RPS14: variants seen among roughly 807,000 people sequenced by gnomAD.
The protein encoded by RPS14 is small ribosomal subunit protein uS11.
A neutral mutation model predicts 15.4 loss-of-function variants in RPS14; 1 was observed. That is an observed-to-expected ratio of 0.07 (90% CI 0.02 to 0.31). The LOEUF is 0.31. Among genes scored for constraint, RPS14 ranks in the 10% least tolerant of loss-of-function variants. The pLI, the probability that RPS14 is intolerant of heterozygous loss-of-function variation, is 1.00. For missense variants in RPS14, 69 were observed against 205.5 expected (o/e 0.34, Z 4.06); for synonymous variants, 68 against 74.4 (o/e 0.91, Z 0.44).
chr5:150,445,705 G>A lies in RPS14; in HGVS notation c.312-20C>T. ...TTGGTCCTAGAAAATGAAGGTTTAA[G>A]TTAAGAAGAGCCTTTGGCCAAGTCA... On this transcript the variant is annotated intron_variant, in intron 3 of 4. Coordinates refer to ENST00000407193, the MANE Select transcript of RPS14 (RefSeq NM_005617.4). 6.3e-7 allele frequency: 1 copy of A among 1,590,164 alleles called. No individual in the cohort carries two copies. Among genetic ancestry groups the A allele is most frequent in the African/African-American group, 1.4e-5 (1 of 74,016 alleles).
intron 4 of RPS14, 88 bp downstream of exon 4, chr5:150,445,521 C>G (rs371776607): frequency 7.9e-7 from 1 of 1,260,716 alleles, no homozygotes; most frequent in Admixed American, 1.7e-5. Context: ...ACCAGACCAG[C>G]CGCTGCACAT....
At chr5:150,445,842 C>T (rs1443343024) in intron 3 of RPS14, among the ~76,000 whole-genome samples, 157 bp from the exon 4 acceptor site, 1 of 152,198 alleles carries the variant, frequency 6.6e-6, no homozygotes, top group Non-Finnish European at 1.5e-5. Flanking sequence ...ATAATCTCAG[C>T]ACCTTGGGAG....
At chr5:150,447,102 G>A (rs1350068350) in intron 2 of RPS14, 139 bp from the exon 3 acceptor site, 8 of 963,824 alleles carry the variant, frequency 8.3e-6, no homozygotes, top group Non-Finnish European at 1.2e-5. Flanking sequence ...GTTCAGTCCA[G>A]TGGGGTTGAA....
At chr5:150,449,120 G>A (rs1771194060) in intron 1 of RPS14, 1 of 152,220 alleles carries the variant, frequency 6.6e-6, no homozygotes. Context: ...CGCAGGGCAA[G>A]CGCACAGCAA....
Position 150,443,731 on chromosome 5 carries a change from G to A in RPS14, c.*555C>T, listed in dbSNP as rs1360108364. 1.3e-5 allele frequency: 2 copies of A among 152,250 alleles called. No homozygotes were observed. Among genetic ancestry groups the A allele is most frequent in the South Asian group, 2.1e-4 (1 of 4,838 alleles). The allele number at this position is 152,250 out of a possible 1,614,324, so 9.4% of individuals were successfully genotyped here. ...CCGCATGCAAGCTTCCGGAAAGCAA[G>A]AACTTTTCTTTTTTATCGCTGATGA... On this transcript the variant is annotated 3_prime_UTR_variant, in exon 5 of 5. Coordinates refer to ENST00000407193, the MANE Select transcript of RPS14 (RefSeq NM_005617.4).
intron 2 of RPS14, chr5:150,447,206 C>T: frequency 1.8e-6 from 1 of 548,366 alleles, no homozygotes; most frequent in Non-Finnish European, 3.2e-6. Context: ...CATTACTGTC[C>T]TAATTTTACA....
intron 2 of RPS14, 105 bp downstream of exon 2, chr5:150,447,480 A>T: frequency 8.5e-7 from 1 of 1,172,566 alleles, no homozygotes; most frequent in Non-Finnish European, 1.3e-6. Context: ...TTACCTGGAC[A>T]AAACAGCATT....
In RPS14 at chr5:150,446,174, T is replaced by C. The variant is rs1421742213; in HGVS notation, c.312-489A>G. Among the ~76,000 whole-genome samples the C allele has an allele frequency of 6.6e-6, 1 of 152,078 alleles. No homozygotes were observed. ...TGGTTTGTTGTTATGTTCTGACCAC[T>C]GTCTGGCTTGTTCACGCAACAGTCA... On this transcript the variant is annotated intron_variant, in intron 3 of 4. Transcript: ENST00000407193. The surrounding 1 kb of genome is among the most constrained non-coding windows in gnomAD (Gnocchi z 4.2).
chr5:150,447,900 C>T (rs1455118953), intron 1 of RPS14, 165 bp from the exon 2 acceptor site: 2 of 742,274 alleles, frequency 2.7e-6, no homozygotes, highest in East Asian at 5.4e-5. Context: ...CTTCTTTCTC[C>T]TTGCACTTGG....
intron 4 of RPS14, chr5:150,445,377 C>T (rs1175049389): frequency 3.0e-6 from 2 of 672,324 alleles, no homozygotes; most frequent in Admixed American, 2.4e-5. Flanking sequence ...TTACCTGCAC[C>T]AGGCAGTGTA....
intron 3 of RPS14, among the ~76,000 whole-genome samples, chr5:150,445,909 G>A (rs1771079989): frequency 6.6e-6 from 1 of 152,114 alleles, no homozygotes; most frequent in South Asian, 2.1e-4. Context: ...TGAGCAACAT[G>A]GTGAAACCCC....
chr5:150,444,895 G>A (rs908260513), intron 4 of RPS14, among the ~76,000 whole-genome samples: 1 of 151,152 alleles, frequency 6.6e-6, no homozygotes. Context: ...ACACACTGTT[G>A]TCCCAGCTAC....
rs1771100567 is a variant in RPS14, at chr5:150,446,489, C to T, written c.311+313G>A. 6.6e-6 allele frequency among the ~76,000 whole-genome samples: 1 copy of T among 152,082 alleles called. No individual in the cohort carries two copies. The highest frequency in any genetic ancestry group is 2.4e-5 in the African/African-American group (1 of 41,410). On this transcript the variant is annotated intron_variant, in intron 3 of 4. Transcript: ENST00000407193. The surrounding 1 kb of genome is among the most constrained non-coding windows in gnomAD (Gnocchi z 4.2). ...CCTGGCATTTGTCACAAATGAAAACCACATACTCCCTGGTGCTCTGTTGTT... is the reference window on the plus strand; with the variant it reads ...CCTGGCATTTGTCACAAATGAAAACTACATACTCCCTGGTGCTCTGTTGTT...
At position 150,445,679 on chromosome 5, in the gene RPS14, C is replaced by T. The variant is rs1048349571; in HGVS notation, c.318G>A (p.Lys106=). The change falls in exon 4 of 5, where the codon AAG becomes AAA. Residue 106 remains lysine, a synonymous_variant. Coordinates refer to ENST00000407193, the MANE Select transcript of RPS14 (RefSeq NM_005617.4). ...KLRATGGNRT[K]TPGPGAQSAL... is the part of the protein sequence containing the mutation. The stretch of plus-strand genomic sequence containing the variant: ...CCGACTGGGCCCCAGGTCCAGGGGT[C>T]TTGGTCCTAGAAAATGAAGGTTTAA... The T allele has an allele frequency of 6.2e-7, 1 of 1,607,492 alleles. No individual in the cohort carries two copies. The highest frequency in any genetic ancestry group is 8.5e-7 in the Non-Finnish European group (1 of 1,178,378).
chr5:150,445,085 A>T (rs1301778666), intron 4 of RPS14, among the ~76,000 whole-genome samples: 1 of 152,188 alleles, frequency 6.6e-6, no homozygotes, highest in African/African-American at 2.4e-5. Flanking sequence ...GCGTCAGTGT[A>T]TGTCGCTACT....
At position 150,446,690 on chromosome 5, in the gene RPS14, A is replaced by G; in HGVS notation, c.311+112T>C. The G allele has an allele frequency of 8.1e-7, 1 of 1,237,178 alleles. No homozygotes were observed. The highest frequency in any genetic ancestry group is 1.1e-6 in the Non-Finnish European group (1 of 872,836). The allele number at this position is 1,237,178 out of a possible 1,614,324, so 76.6% of individuals were successfully genotyped here. A position where few individuals can be genotyped will look rare whatever the true frequency, so the allele number is the denominator to read the frequency against. The stretch of plus-strand genomic sequence containing the variant: ...CCAATTATTAAGTATGTATATGCCT[A>G]AAATATCTTGTTCAAGGTCACAACA... On this transcript the variant is annotated intron_variant, in intron 3 of 4. Transcript: ENST00000407193. The surrounding 1 kb of genome is among the most constrained non-coding windows in gnomAD (Gnocchi z 4.2).
Position 150,442,707 on chromosome 5 carries a change from A to C in RPS14, c.*1579T>G, listed in dbSNP as rs1770971404. The C allele has an allele frequency of 6.6e-6, 1 of 151,646 alleles. No homozygotes were observed. The highest frequency in any genetic ancestry group is 6.6e-5 in the Admixed American group (1 of 15,228). The allele number at this position is 151,646 out of a possible 1,614,324, so 9.4% of individuals were successfully genotyped here. A position where few individuals can be genotyped will look rare whatever the true frequency, so the allele number is the denominator to read the frequency against. ...ATATTTTTTAATTTATTATTTACTT[A>C]TTTAGTTTTTGAGATAGGATCTTGC... On this transcript the variant is annotated 3_prime_UTR_variant, in exon 5 of 5. Coordinates refer to ENST00000407193, the MANE Select transcript of RPS14 (RefSeq NM_005617.4).
At chr5:150,447,003 C>T (rs1381908915) in intron 2 of RPS14, 40 bp from the exon 3 acceptor site, 4 of 1,609,126 alleles carry the variant, frequency 2.5e-6, no homozygotes, top group Non-Finnish European at 3.4e-6. Flanking sequence ...CCTCGTCCAA[C>T]AAGGAGTGCT....
chr5:150,444,065 G>T lies in RPS14; in HGVS notation c.*221C>A. The T allele has an allele frequency of 1.9e-6, 1 of 520,472 alleles. No individual in the cohort carries two copies. Among genetic ancestry groups the T allele is most frequent in the Non-Finnish European group, 3.1e-6 (1 of 318,944 alleles). The allele number at this position is 520,472 out of a possible 1,614,324, so 32.2% of individuals were successfully genotyped here. On this transcript the variant is annotated 3_prime_UTR_variant, in exon 5 of 5. Coordinates refer to ENST00000407193, the MANE Select transcript of RPS14 (RefSeq NM_005617.4). Reference sequence around the variant, plus strand: ...AACGAGGTCTCCAACGCCTTGGTCTGCTTTAGATGACCAAGGCAACTTAAT... The same window carrying T: ...AACGAGGTCTCCAACGCCTTGGTCTTCTTTAGATGACCAAGGCAACTTAAT...
Sources: gnomAD v4.1 joint callset for allele counts (sites outside exome capture counted in the v4.1 genomes callset) on GRCh38, gnomAD v4.1.1 for gene constraint, Gnocchi (gnomAD v3.1) non-coding constraint, MANE v1.5 for transcripts, NCBI Gene and HGNC (gene_info 2026-07-23, HGNC 2026-07-21) for gene names.